HOXD3: variants seen among roughly 807,000 people sequenced by gnomAD.
HOXD3 encodes the protein homeobox protein Hox-D3.
In HOXD3, 13 loss-of-function variants were observed where a neutral mutation model predicts 32.8. The ratio of observed to expected loss-of-function variants is 0.40; its 90% CI spans 0.26 to 0.63. HOXD3 has a LOEUF of 0.63. HOXD3 is among the 20% of genes least tolerant of loss of function. The probability of loss-of-function intolerance (pLI) is 0.44; values close to 1 mark genes in which losing one functional copy is unlikely to be tolerated. For synonymous variants in HOXD3, 241 were observed against 246.8 expected, an observed-to-expected ratio of 0.98 and a Z score of 0.22; for missense variants, 504 against 577.1, an observed-to-expected ratio of 0.87 and a Z score of 1.30.
rs201677516 is a variant in HOXD3, at chr2:176,166,883, T to C, written c.-84-2148T>C. On this transcript the variant is annotated intron_variant, in intron 2 of 3. Transcript: ENST00000683222. ...TGTTTGGTGCAGGTGGAGGGAAAACTAGTGAATCATTCTGGTACCTGTGGT... is the reference window on the plus strand; with the variant it reads ...TGTTTGGTGCAGGTGGAGGGAAAACCAGTGAATCATTCTGGTACCTGTGGT... Among the ~76,000 whole-genome samples, 19 of 152,326 alleles carry C rather than the reference T, an allele frequency of 1.2e-4. No individual in the cohort carries two copies. The East Asian group carries it at 3.3e-3, about 26-fold the overall frequency.
Position 176,169,463 on chromosome 2 carries a change from C to T in HOXD3, c.349C>T (p.Pro117Ser). ...TGGTCTGAACTCAGAGCAGCAGCCACCACAACCCCCTCCTCCACCACCGAC... is the reference window on the plus strand; with the variant it reads ...TGGTCTGAACTCAGAGCAGCAGCCATCACAACCCCCTCCTCCACCACCGAC... The part of the protein sequence containing the change: ...PPGLNSEQQP[P>S]QPPPPPPTLP... Residue 117 changes from proline (P) to serine (S), a missense_variant, in exon 3 of 4, where the codon CCA becomes TCA. Physicochemically the swap from Pro to Ser is moderately conservative, Grantham distance 74. This residue lies in a region of HOXD3 where 181 missense variants were observed against 172.2 expected (regional missense o/e 1.05). Coordinates refer to ENST00000683222, the MANE Select transcript of HOXD3 (RefSeq NM_006898.5). 6.2e-7 allele frequency: 1 copy of T among 1,612,868 alleles called. No homozygotes were observed. The highest frequency in any genetic ancestry group is 8.5e-7 in the Non-Finnish European group (1 of 1,179,440).
rs769791676 is a variant in HOXD3, at chr2:176,172,281, C to A, written c.*7C>A. On this transcript the variant is annotated 3_prime_UTR_variant, in exon 4 of 4. Coordinates refer to ENST00000683222, the MANE Select transcript of HOXD3 (RefSeq NM_006898.5). ...CAAACTGACGCATCTGTAGCGGCCG[C>A]CGCCAGCCCGAACTCGCGGCAAAAT... The A allele has an allele frequency of 3.8e-6, 6 of 1,582,324 alleles. No homozygotes were observed. Among genetic ancestry groups the A allele is most frequent in the Non-Finnish European group, 5.1e-6 (6 of 1,167,780 alleles).
upstream of HOXD3, chr2:176,152,894 T>A: frequency 6.2e-7 from 1 of 1,614,164 alleles, no homozygotes; most frequent in South Asian, 1.1e-5. This position sits in a 1 kb window ranked among gnomAD's most constrained non-coding sequence, Gnocchi z 5.2. Context: ...CCAGCCAGCA[T>A]TTACAGCCGA....
chr2:176,161,762 A>G (rs1422305066), intron 1 of HOXD3, among the ~76,000 whole-genome samples: 1 of 152,200 alleles, frequency 6.6e-6, no homozygotes, highest in Non-Finnish European at 1.5e-5. Context: ...TTACCAATCC[A>G]GGCTTTTGAT....
intron 1 of HOXD3, among the ~76,000 whole-genome samples, chr2:176,162,675 C>T (rs1340426049): frequency 1.3e-5 from 2 of 152,138 alleles, no homozygotes; most frequent in Admixed American, 6.5e-5. Flanking sequence ...TCTTCCCAAG[C>T]CTCTTACGCC....
In HOXD3 at chr2:176,169,140, C is replaced by A; in HGVS notation, c.26C>A (p.Ala9Asp). 6.2e-7 allele frequency: 1 copy of A among 1,612,536 alleles called. No homozygotes were observed. MLFEQGQQ[A>D]LELPECTMQK... is the part of the protein sequence containing the mutation. Reference sequence around the variant, plus strand: ...ATGTTATTTGAGCAGGGTCAGCAGGCCCTGGAGCTTCCTGAGTGCACAATG... The same window carrying A: ...ATGTTATTTGAGCAGGGTCAGCAGGACCTGGAGCTTCCTGAGTGCACAATG... Residue 9 changes from alanine to aspartate, a missense_variant, in exon 3 of 4, where the codon GCC (alanine) becomes GAC (aspartate). Transcript: ENST00000683222.
upstream of HOXD3, among the ~76,000 whole-genome samples, chr2:176,157,121 A>T (rs1351717532): frequency 6.6e-6 from 1 of 152,086 alleles, no homozygotes; most frequent in Middle Eastern, 3.2e-3. Flanking sequence ...CCTGCCCGCC[A>T]TGTTGGGGAG....
chr2:176,166,102 C>G (rs1325056472), intron 2 of HOXD3, among the ~76,000 whole-genome samples: 1 of 152,014 alleles, frequency 6.6e-6, no homozygotes, highest in Non-Finnish European at 1.5e-5. Flanking sequence ...GGGAAATGGA[C>G]ATTAAGGTAG....
Position 176,171,785 on chromosome 2 carries a change from C to A in HOXD3, c.810C>A (p.Ser270Arg). Reference sequence around the variant, plus strand: ...CGGCTAGCCAGTCCCCTGAGCGCAGCCCACCGCTCGGCGGCGCCGCTGGCC... The same window carrying A: ...CGGCTAGCCAGTCCCCTGAGCGCAGACCACCGCTCGGCGGCGCCGCTGGCC... ...HSPASQSPER[S>R]PPLGGAAGHV... The change falls in exon 4 of 4, where the codon AGC (serine) becomes AGA (arginine). Residue 270 changes from serine to arginine, a missense_variant. Physicochemically the swap from Ser to Arg is moderately radical, Grantham distance 110 (BLOSUM62 -1). This residue lies in a region of HOXD3 where 226 missense variants were observed against 246.9 expected (regional missense o/e 0.92). Transcript: ENST00000683222. 1 of 1,613,564 alleles carries A rather than the reference C, an allele frequency of 6.2e-7. No individual in the cohort carries two copies.
upstream of HOXD3, among the ~76,000 whole-genome samples, chr2:176,157,267 T>C (rs919137410): frequency 6.6e-6 from 1 of 152,140 alleles, no homozygotes; most frequent in East Asian, 1.9e-4. Context: ...GACCACGTGA[T>C]TGGCGAAATA....
chr2:176,171,709 G>C lies in HOXD3; in HGVS notation c.734G>C (p.Arg245Pro). 6.2e-7 allele frequency: 1 copy of C among 1,614,126 alleles called. No homozygotes were observed. The highest frequency in any genetic ancestry group is 1.7e-5 in the Admixed American group (1 of 60,024). ...CAGATCAAGATCTGGTTCCAGAACCGGCGCATGAAGTACAAGAAGGACCAG... is the reference window on the plus strand; with the variant it reads ...CAGATCAAGATCTGGTTCCAGAACCCGCGCATGAAGTACAAGAAGGACCAG... ...ERQIKIWFQNRRMKYKKDQKA... is the reference protein window; with the variant it reads ...ERQIKIWFQNPRMKYKKDQKA... Residue 245 changes from arginine (R) to proline (P), a missense_variant, in exon 4 of 4, where the codon CGG becomes CCG. Transcript: ENST00000683222.
Position 176,167,686 on chromosome 2 carries a change from CTTTTT to C in HOXD3, c.-84-1320_-84-1316del, listed in dbSNP as rs56761217. ...TTTTGAAACCAGGTGGGGGGAGACC[CTTTTT>C]TTTTTTTTTTTTTTTTTTTTTTTTA... is the stretch of plus-strand genomic sequence containing the variant. On this transcript the variant is annotated intron_variant, in intron 2 of 3. Coordinates refer to ENST00000683222, the MANE Select transcript of HOXD3 (RefSeq NM_006898.5). Among the ~76,000 whole-genome samples the C allele has an allele frequency of 7.6e-4, 83 of 108,886 alleles. 1 individual carries two copies. Among genetic ancestry groups the C allele is most frequent in the African/African-American group, 2.6e-3 (75 of 28,626 alleles). 71.4% of individuals were successfully genotyped at this position (108,886 alleles called of 152,430 possible).
chr2:176,167,257 T>C (rs758810957), intron 2 of HOXD3, among the ~76,000 whole-genome samples: 5 of 152,150 alleles, frequency 3.3e-5, no homozygotes, highest in Non-Finnish European at 5.9e-5. Flanking sequence ...TCATTGGTTG[T>C]GGTTTGGGTG....
intron 1 of HOXD3, chr2:176,161,066 T>C (rs1203891540): frequency 2.0e-5 from 3 of 152,242 alleles, no homozygotes; most frequent in Non-Finnish European, 4.4e-5. Flanking sequence ...AGGTTTATGA[T>C]AAATTGGGAT....
upstream of HOXD3, among the ~76,000 whole-genome samples, chr2:176,153,582 A>G (rs1249972644): frequency 6.6e-6 from 1 of 152,198 alleles, no homozygotes; most frequent in Non-Finnish European, 1.5e-5. Context: ...TGGTACAGAA[A>G]TAACTGACAC....
At chr2:176,152,751 C>T (rs1325984704), upstream of HOXD3, 3 of 1,614,224 alleles carry the variant, frequency 1.9e-6, no homozygotes, top group Non-Finnish European at 2.5e-6. The surrounding 1 kb of genome is among the most constrained non-coding windows in gnomAD (Gnocchi z 5.2). Context: ...CACCCTGTGT[C>T]TGTCGGAGCG....
At chr2:176,164,598 G>A (rs1690904057) in intron 2 of HOXD3, 1 of 152,192 alleles carries the variant, frequency 6.6e-6, no homozygotes, top group Non-Finnish European at 1.5e-5. Context: ...CGGTTCCAGT[G>A]AATTCGTGGG....
chr2:176,162,965 G>A (rs1456745544), intron 1 of HOXD3, among the ~76,000 whole-genome samples: 1 of 152,132 alleles, frequency 6.6e-6, no homozygotes, highest in Non-Finnish European at 1.5e-5. Flanking sequence ...GAGAGCCCTG[G>A]TACCTCGGGC....
chr2:176,156,548 G>T (rs558538688), upstream of HOXD3, among the ~76,000 whole-genome samples: 8 of 152,216 alleles, frequency 5.3e-5, no homozygotes, highest in South Asian at 1.7e-3. Flanking sequence ...TGAGGCTCCT[G>T]GGTGGCTGCT....
Sources: allele counts gnomAD v4.1 joint callset (sites outside exome capture counted in the v4.1 genomes callset), GRCh38; gene constraint gnomAD v4.1.1; regional missense constraint gnomAD v4.1.1; non-coding constraint Gnocchi (gnomAD v3.1); transcripts MANE v1.5; gene names NCBI Gene and HGNC (gene_info 2026-07-23, HGNC 2026-07-21).